Variants in LNX1 observed in about 807,000 individuals in gnomAD.
LNX1 encodes ligand of numb-protein X 1, also known as E3 ubiquitin-protein ligase LNX.
LNX1 carries 54 observed loss-of-function variants against 68.4 expected under a neutral mutation model. The observed-to-expected ratio is 0.79, with a 90% CI of 0.63 to 0.99. The LOEUF (loss-of-function observed/expected upper bound fraction) is 0.99, where lower values mean the gene tolerates loss of function less well. LNX1 is among the 50% of genes least tolerant of loss of function. The probability of loss-of-function intolerance (pLI) is 0.00; values close to 1 mark genes in which losing one functional copy is unlikely to be tolerated. For synonymous variants in LNX1, 336 were observed against 350.0 expected, an observed-to-expected ratio of 0.96 and a Z score of 0.45; for missense variants, 906 against 926.4, an observed-to-expected ratio of 0.98 and a Z score of 0.29.
Position 53,476,862 on chromosome 4 carries a change from A to G in LNX1, c.1783T>C (p.Tyr595His), listed in dbSNP as rs772795838. Reference protein sequence around the residue: ...IVLKALEVKEYEPQEDCSSPA... With the variant: ...IVLKALEVKEHEPQEDCSSPA... ...CTGCTGCAGTCTTCCTGGGGCTCAT[A>G]CTCTTTGACTTCCAAAGCTTTGAGT... Residue 595 changes from tyrosine to histidine, a missense_variant, in exon 9 of 11, where the codon TAT becomes CAT. By Grantham distance (83) the Tyr-to-His change is moderately conservative. Coordinates refer to ENST00000263925, the MANE Select transcript of LNX1 (RefSeq NM_001126328.3). 6.2e-7 allele frequency: 1 copy of G among 1,613,936 alleles called. No individual in the cohort carries two copies. Among genetic ancestry groups the G allele is most frequent in the Non-Finnish European group, 8.5e-7 (1 of 1,180,014 alleles).
intron 2 of LNX1, among the ~76,000 whole-genome samples, chr4:53,599,217 A>G (rs1732887458): frequency 6.6e-6 from 1 of 152,204 alleles, no homozygotes; most frequent in African/African-American, 2.4e-5. Flanking sequence ...AGGATGAGAT[A>G]AAAGATTGGC....
chr4:53,527,066 A>AAAG (rs1727667775), intron 2 of LNX1, among the ~76,000 whole-genome samples: 1 of 151,516 alleles, frequency 6.6e-6, no homozygotes, highest in African/African-American at 2.4e-5. Context: ...AAAAAAAAAA[A>AAAG]AAAAAACTAG....
chr4:53,637,331 C>G (rs778217749), intron 1 of LNX1, among the ~76,000 whole-genome samples: 4 of 151,340 alleles, frequency 2.6e-5, no homozygotes, highest in African/African-American at 9.7e-5. Flanking sequence ...CTAAATGAAT[C>G]TCTTTGTACC....
At chr4:53,553,706 T>C (rs1441912098) in intron 2 of LNX1, among the ~76,000 whole-genome samples, 1 of 152,180 alleles carries the variant, frequency 6.6e-6, no homozygotes, top group East Asian at 1.9e-4. Context: ...TCTTAGGGCA[T>C]GCTCTTTGTA....
intron 4 of LNX1, among the ~76,000 whole-genome samples, chr4:53,502,332 C>T (rs1428885585): frequency 1.3e-5 from 2 of 151,920 alleles, no homozygotes; most frequent in Non-Finnish European, 2.9e-5. Flanking sequence ...TTCCAGACTG[C>T]TATAAGAAAG....
chr4:53,505,245 A>C (rs1178695557), intron 4 of LNX1, among the ~76,000 whole-genome samples: 2 of 150,492 alleles, frequency 1.3e-5, no homozygotes, highest in Non-Finnish European at 2.9e-5. Context: ...AAATATGCAA[A>C]TAAATCTTTT....
chr4:53,537,670 A>T (rs1487521398), intron 2 of LNX1, among the ~76,000 whole-genome samples: 2 of 152,192 alleles, frequency 1.3e-5, no homozygotes, highest in Non-Finnish European at 2.9e-5. Flanking sequence ...AGCCCCACAC[A>T]GGTGGATGGC....
Position 53,476,871 on chromosome 4 carries a change from C to T in LNX1, c.1774G>A (p.Val592Ile). The T allele has an allele frequency of 6.2e-7, 1 of 1,614,214 alleles. No homozygotes were observed. Among genetic ancestry groups the T allele is most frequent in the Non-Finnish European group, 8.5e-7 (1 of 1,180,032 alleles). ...SSSIVLKALE[V>I]KEYEPQEDCS... ...TCTTCCTGGGGCTCATACTCTTTGACTTCCAAAGCTTTGAGTACTATCGAG... is the reference window on the plus strand; with the variant it reads ...TCTTCCTGGGGCTCATACTCTTTGATTTCCAAAGCTTTGAGTACTATCGAG... The change falls in exon 9 of 11, where the codon GTC becomes ATC. Residue 592 changes from valine to isoleucine, a missense_variant. Val to Ile is a conservative substitution (Grantham distance 29, BLOSUM62 3). Transcript: ENST00000263925.
chr4:53,588,155 C>T (rs1169152968), intron 1 of LNX1, among the ~76,000 whole-genome samples: 1 of 152,166 alleles, frequency 6.6e-6, no homozygotes, highest in Non-Finnish European at 1.5e-5. Context: ...TCAATTATTC[C>T]TCCCAACAGC....
intron 3 of LNX1, among the ~76,000 whole-genome samples, 175 bp from the exon 4 acceptor site, chr4:53,507,644 C>T (rs1403075467): frequency 6.6e-6 from 1 of 152,130 alleles, no homozygotes; most frequent in Non-Finnish European, 1.5e-5. Flanking sequence ...ATATGTACGA[C>T]GTGCTTAAAA....
intron 5 of LNX1, among the ~76,000 whole-genome samples, chr4:53,498,358 G>C (rs1250477263): frequency 1.3e-5 from 2 of 152,076 alleles, no homozygotes; most frequent in African/African-American, 4.8e-5. Flanking sequence ...GATTGAAAAA[G>C]CTAGAAGGGA....
At chr4:53,495,255 T>C (rs1423588667) in intron 6 of LNX1, among the ~76,000 whole-genome samples, 1 of 152,148 alleles carries the variant, frequency 6.6e-6, no homozygotes. Flanking sequence ...TAATTGATAA[T>C]TATCTTAAAA....
chr4:53,575,551 G>T (rs1731428776), intron 1 of LNX1: 4 of 985,226 alleles, frequency 4.1e-6, no homozygotes, highest in African/African-American at 1.7e-5. Flanking sequence ...ACAAGTAGGA[G>T]CCCAGTGCAA....
At chr4:53,550,108 C>T (rs1348637625) in intron 2 of LNX1, among the ~76,000 whole-genome samples, 1 of 152,214 alleles carries the variant, frequency 6.6e-6, no homozygotes, top group Non-Finnish European at 1.5e-5. Context: ...GATCACAATG[C>T]TCTTTGGACA....
At chr4:53,544,371 T>G (rs1728957275) in intron 2 of LNX1, among the ~76,000 whole-genome samples, 1 of 152,180 alleles carries the variant, frequency 6.6e-6, no homozygotes, top group African/African-American at 2.4e-5. Context: ...TTTTCTGCAT[T>G]TTTAGTAAAG....
chr4:53,595,432 G>T (rs7437435), upstream of LNX1, among the ~76,000 whole-genome samples: 1 of 152,316 alleles, frequency 6.6e-6, no homozygotes, highest in African/African-American at 2.4e-5. Flanking sequence ...TTAAGAAAAA[G>T]AAACTCAGTA....
At chr4:53,539,497 C>G (rs185829244) in intron 2 of LNX1, 2 of 152,260 alleles carry the variant, frequency 1.3e-5, no homozygotes, top group African/African-American at 4.8e-5. Context: ...TTCCCAGTAG[C>G]TGGGACTACA....
Position 53,573,854 on chromosome 4 carries a change from T to C in LNX1, c.149A>G (p.Asp50Gly). ...ICHICLQALL[D>G]PLDTPCGHTY... Reference sequence around the variant, plus strand: ...GTGTCCACACGGAGTGTCCAGGGGGTCCAGCAAAGCCTGCAGGCAGATGTG... The same window carrying C: ...GTGTCCACACGGAGTGTCCAGGGGGCCCAGCAAAGCCTGCAGGCAGATGTG... The change falls in exon 2 of 11, where the codon GAC becomes GGC. Residue 50 changes from aspartate (D) to glycine (G), a missense_variant. Coordinates refer to ENST00000263925, the MANE Select transcript of LNX1 (RefSeq NM_001126328.3). 6.2e-7 allele frequency: 1 copy of C among 1,613,496 alleles called. No individual in the cohort carries two copies. The highest frequency in any genetic ancestry group is 1.1e-5 in the South Asian group (1 of 90,936).
intron 4 of LNX1, chr4:53,500,613 C>A (rs1725404686): frequency 6.6e-6 from 1 of 152,136 alleles, no homozygotes; most frequent in Non-Finnish European, 1.5e-5. Flanking sequence ...TATGTTAGGG[C>A]AAAGTAACTT....
Sources: allele counts gnomAD v4.1 joint callset (sites outside exome capture counted in the v4.1 genomes callset), GRCh38; gene constraint gnomAD v4.1.1; transcripts MANE v1.5; gene names NCBI Gene and HGNC (gene_info 2026-07-23, HGNC 2026-07-21).